The following OPCML variants were observed in gnomAD, a reference collection of about 807,000 sequenced individuals.
OPCML encodes opioid-binding protein/cell adhesion molecule.
In OPCML, 13 loss-of-function variants were observed where a neutral mutation model predicts 37.8. The ratio of observed to expected loss-of-function variants is 0.34; its 90% CI spans 0.22 to 0.55. The LOEUF is 0.55. OPCML is among the 20% of genes least tolerant of loss of function. The pLI is 0.91. For synonymous variants in OPCML, 176 were observed against 168.8 expected, an observed-to-expected ratio of 1.04 and a Z score of -0.33; for missense variants, 341 against 435.6, an observed-to-expected ratio of 0.78 and a Z score of 1.93.
At chr11:132,574,881 G>C (rs977973846) in intron 3 of OPCML, among the ~76,000 whole-genome samples, 21 of 151,892 alleles carry the variant, frequency 1.4e-4, no homozygotes, top group African/African-American at 5.1e-4. Context: ...TTATTGTACT[G>C]TTGTCTGTTT....
intron 4 of OPCML, among the ~76,000 whole-genome samples, chr11:132,441,421 G>T (rs1275187859): frequency 6.6e-6 from 1 of 151,898 alleles, no homozygotes; most frequent in Non-Finnish European, 1.5e-5. Flanking sequence ...GCCCGCCTCG[G>T]CCTCCCAAAG....
At chr11:133,213,908 T>G (rs1437600783) in intron 1 of OPCML, among the ~76,000 whole-genome samples, 3 of 152,194 alleles carry the variant, frequency 2.0e-5, no homozygotes, top group African/African-American at 7.2e-5. Flanking sequence ...CACTATAATG[T>G]GATAACATCA....
intron 3 of OPCML, 142 bp downstream of exon 3, chr11:132,656,945 T>A: frequency 7.0e-7 from 1 of 1,429,350 alleles, no homozygotes; most frequent in African/African-American, 1.4e-5. Context: ...ATGGGAAACA[T>A]TCCAAGACAT....
At chr11:132,589,320 TA>T (rs1162745750) in intron 3 of OPCML, among the ~76,000 whole-genome samples, 1 of 151,988 alleles carries the variant, frequency 6.6e-6, no homozygotes, top group African/African-American at 2.4e-5. Context: ...GTGGATGCTA[TA>T]AAAAAAAGTA....
chr11:132,615,469 T>C (rs1039711926), intron 3 of OPCML, among the ~76,000 whole-genome samples: 1 of 152,214 alleles, frequency 6.6e-6, no homozygotes, highest in Non-Finnish European at 1.5e-5. Context: ...GCGAGTTCCA[T>C]GTCCACAGAT....
At chr11:133,407,119 A>G (rs573757369) in intron 1 of OPCML, among the ~76,000 whole-genome samples, 177 of 152,340 alleles carry the variant, frequency 1.2e-3, no homozygotes, top group African/African-American at 3.7e-3. Context: ...ACCCATCCAC[A>G]TGACCACTTC....
rs1182557337 is a variant in OPCML, at chr11:133,140,781, A to C, written c.62-197771T>G. On this transcript the variant is annotated intron_variant, in intron 1 of 7. Transcript: ENST00000524381. ...AAGACGACGAAGAAGAAGAAGAAGA[A>C]GACGACGAAGAAGAAGAAGAAGAAG... Among the ~76,000 whole-genome samples the C allele has an allele frequency of 1.3e-3, 181 of 138,360 alleles. 4 individuals are homozygous for C. Among genetic ancestry groups the C allele is most frequent in the African/African-American group, 1.7e-3 (60 of 35,254 alleles). The allele number at this position is 138,360 out of a possible 152,430, so 90.8% of individuals were successfully genotyped here. A position where few individuals can be genotyped will look rare whatever the true frequency, so the allele number is the denominator to read the frequency against.
chr11:133,036,404 TA>T (rs1947784804), intron 1 of OPCML, among the ~76,000 whole-genome samples: 1 of 152,246 alleles, frequency 6.6e-6, no homozygotes, highest in African/African-American at 2.4e-5. Flanking sequence ...TGTTAAATTT[TA>T]TTGTTAGCAT....
At chr11:132,955,796 C>T (rs1017346251) in intron 1 of OPCML, among the ~76,000 whole-genome samples, 24 of 152,184 alleles carry the variant, frequency 1.6e-4, no homozygotes, top group African/African-American at 5.3e-4. Flanking sequence ...GCAGGAGAAT[C>T]GCTTGAACCC....
intron 7 of OPCML, among the ~76,000 whole-genome samples, 174 bp downstream of exon 7, chr11:132,435,912 T>C (rs189065973): frequency 6.6e-6 from 1 of 152,332 alleles, no homozygotes; most frequent in Non-Finnish European, 1.5e-5. Context: ...ACTGTGTAAC[T>C]ATCTCTGCAT....
chr11:132,451,579 T>C (rs1200785454), intron 4 of OPCML, among the ~76,000 whole-genome samples: 4 of 152,156 alleles, frequency 2.6e-5, no homozygotes, highest in African/African-American at 4.8e-5. Context: ...TAGCACCTTC[T>C]TGACTGGCGA....
intron 1 of OPCML, among the ~76,000 whole-genome samples, chr11:133,100,087 T>C (rs1409338318): frequency 6.6e-6 from 1 of 152,190 alleles, no homozygotes. Flanking sequence ...CCAAATACCA[T>C]GTGCTCTCAC....
chr11:133,002,075 T>C (rs1244504315), intron 1 of OPCML, among the ~76,000 whole-genome samples: 1 of 152,216 alleles, frequency 6.6e-6, no homozygotes, highest in Non-Finnish European at 1.5e-5. Flanking sequence ...AGACTGGGAT[T>C]GACTCTCTTG....
At chr11:132,561,674 G>A (rs2096411026) in intron 3 of OPCML, among the ~76,000 whole-genome samples, 1 of 152,234 alleles carries the variant, frequency 6.6e-6, no homozygotes, top group Admixed American at 6.5e-5. Context: ...ACTGTAAAAT[G>A]AATTCATGTC....
At chr11:132,745,666 C>T (rs973613080) in intron 2 of OPCML, among the ~76,000 whole-genome samples, 9 of 152,002 alleles carry the variant, frequency 5.9e-5, no homozygotes, top group Non-Finnish European at 1.2e-4. Context: ...TCCATCTTCC[C>T]AACCACTTCC....
At chr11:133,022,322 C>G (rs926729008) in intron 1 of OPCML, among the ~76,000 whole-genome samples, 3 of 152,128 alleles carry the variant, frequency 2.0e-5, no homozygotes, top group Admixed American at 2.0e-4. Context: ...CCACTCATGC[C>G]TTTCTTCTGT....
intron 2 of OPCML, among the ~76,000 whole-genome samples, chr11:132,724,042 G>T (rs1488969757): frequency 6.6e-6 from 1 of 152,034 alleles, no homozygotes; most frequent in Non-Finnish European, 1.5e-5. Context: ...AGCTGAGCAG[G>T]GGTACATAGA....
At chr11:133,316,213 A>G (rs1943201433) in intron 1 of OPCML, among the ~76,000 whole-genome samples, 1 of 152,150 alleles carries the variant, frequency 6.6e-6, no homozygotes, top group Non-Finnish European at 1.5e-5. Flanking sequence ...AACAAGACTG[A>G]GGTGGTTGAA....
At chr11:133,311,207 T>C (rs1177001701) in intron 1 of OPCML, among the ~76,000 whole-genome samples, 2 of 152,248 alleles carry the variant, frequency 1.3e-5, no homozygotes, top group Admixed American at 1.3e-4. Flanking sequence ...TTGCTTTGGA[T>C]TTCTAATTCA....
Sources: gnomAD v4.1 joint callset for allele counts (sites outside exome capture counted in the v4.1 genomes callset) on GRCh38, gnomAD v4.1.1 for gene constraint, MANE v1.5 for transcripts, NCBI Gene and HGNC (gene_info 2026-07-23, HGNC 2026-07-21) for gene names.